Variants in ANKS1B observed in about 807,000 individuals in gnomAD.
ANKS1B encodes ankyrin repeat and sterile alpha motif domain containing 1B.
ANKS1B carries 36 observed loss-of-function variants against 148.3 expected under a neutral mutation model. The ratio of observed to expected loss-of-function variants is 0.24; its 90% confidence interval spans 0.19 to 0.32. The LOEUF is 0.32. Ranked by LOEUF, ANKS1B falls within the 10% of genes least tolerant of loss-of-function variation. ANKS1B has a pLI of 1.00. For missense variants in ANKS1B, 1,157 were observed against 1,542.6 expected, an observed-to-expected ratio of 0.75 and a Z score of 4.19; for synonymous variants, 542 against 560.8, an observed-to-expected ratio of 0.97 and a Z score of 0.47.
chr12:98,795,104 G>A (rs2098936018), intron 22 of ANKS1B: 2 of 555,020 alleles, frequency 3.6e-6, no homozygotes, highest in Admixed American at 3.1e-5. Flanking sequence ...TTCCTACCTT[G>A]CCATCTAATG....
At chr12:99,566,288 T>G (rs1347217115) in intron 9 of ANKS1B, among the ~76,000 whole-genome samples, 2 of 152,236 alleles carry the variant, frequency 1.3e-5, no homozygotes, top group Non-Finnish European at 2.9e-5. Flanking sequence ...GCTTGAAATC[T>G]CCTTAGCACT....
intron 12 of ANKS1B, among the ~76,000 whole-genome samples, chr12:99,362,308 T>C (rs933957203): frequency 4.6e-5 from 7 of 152,024 alleles, no homozygotes; most frequent in Non-Finnish European, 1.0e-4. Context: ...TCATTATACA[T>C]TATCTTTACA....
intron 19 of ANKS1B, among the ~76,000 whole-genome samples, chr12:98,817,622 T>A (rs1372235742): frequency 1.3e-5 from 2 of 152,194 alleles, no homozygotes; most frequent in Non-Finnish European, 2.9e-5. Flanking sequence ...TGCATGGGAT[T>A]TAGATTCTTC....
intron 25 of ANKS1B, among the ~76,000 whole-genome samples, chr12:98,767,810 AAC>A (rs1209961147): frequency 6.6e-6 from 1 of 152,244 alleles, no homozygotes; most frequent in African/African-American, 2.4e-5. Context: ...TACAGAAGAC[AAC>A]AGTTTTGAAA....
chr12:99,551,116 G>GA (rs1340249009), intron 9 of ANKS1B, among the ~76,000 whole-genome samples: 1 of 152,002 alleles, frequency 6.6e-6, no homozygotes, highest in African/African-American at 2.4e-5. Flanking sequence ...AACAAATATG[G>GA]AATCAAGAAA....
chr12:99,207,591 T>C (rs1055721865), intron 14 of ANKS1B, among the ~76,000 whole-genome samples: 1 of 152,090 alleles, frequency 6.6e-6, no homozygotes, highest in African/African-American at 2.4e-5. Flanking sequence ...TAAAATGTTT[T>C]TGACAGACAG....
At chr12:99,279,958 C>G (rs914365039) in intron 12 of ANKS1B, among the ~76,000 whole-genome samples, 1 of 151,894 alleles carries the variant, frequency 6.6e-6, no homozygotes, top group Non-Finnish European at 1.5e-5. Context: ...GAGTTGTGAT[C>G]GCACAACTGC....
intron 1 of ANKS1B, among the ~76,000 whole-genome samples, chr12:99,853,909 G>A (rs979853910): frequency 2.0e-5 from 3 of 152,182 alleles, no homozygotes; most frequent in Non-Finnish European, 2.9e-5. Context: ...TGAAGGACAC[G>A]CTTAGAGAAA....
In ANKS1B at chr12:99,441,865, G is replaced by A. The variant is rs186287607; in HGVS notation, c.1575+1808C>T. On this transcript the variant is annotated intron_variant, in intron 11 of 26. Coordinates refer to ENST00000683438, the MANE Select transcript of ANKS1B (RefSeq NM_001352186.2). The stretch of plus-strand genomic sequence containing the variant: ...AAACTCAATTAGAATATGCAGAGAA[G>A]GATTTATGAAATAATGCCTCAGTTA... Among the ~76,000 whole-genome samples the A allele has an allele frequency of 1.5e-3, 221 of 151,944 alleles. 3 individuals carry two copies. Among genetic ancestry groups the A allele is most frequent in the African/African-American group, 5.0e-3 (207 of 41,488 alleles).
chr12:98,802,520 C>T lies in ANKS1B; in HGVS notation c.3142-1395G>A, dbSNP rs1320016543. Among the ~76,000 whole-genome samples the T allele has an allele frequency of 2.1e-5, 3 of 142,570 alleles. No homozygotes were observed. The South Asian group carries it at 7.0e-4, about 33-fold the overall frequency. 93.5% of individuals were successfully genotyped at this position (142,570 alleles called of 152,430 possible). ...TCCAATTTTCTTTGCGCACTTTGGA[C>T]TTACATTAGGTGACATATGAAGTAG... On this transcript the variant is annotated intron_variant, in intron 20 of 26. Transcript: ENST00000683438.
chr12:99,877,174 A>G lies in ANKS1B; in HGVS notation c.135-51785T>C, dbSNP rs17394594. Among the ~76,000 whole-genome samples the G allele has an allele frequency of 6.1e-3, 927 of 152,098 alleles. 4 individuals carry two copies. The highest frequency in any genetic ancestry group is 0.016 in the South Asian group (78 of 4,824). On this transcript the variant is annotated intron_variant, in intron 1 of 26. Coordinates refer to ENST00000683438, the MANE Select transcript of ANKS1B (RefSeq NM_001352186.2). Reference sequence around the variant, plus strand: ...TTGTAGTTATAATGACTAAGTAAATATTGCTTGCTGATTAAGGTATTATAC... The same window carrying G: ...TTGTAGTTATAATGACTAAGTAAATGTTGCTTGCTGATTAAGGTATTATAC...
chr12:99,241,876 C>T (rs1404349767), intron 14 of ANKS1B, among the ~76,000 whole-genome samples: 1 of 152,128 alleles, frequency 6.6e-6, no homozygotes, highest in Non-Finnish European at 1.5e-5. Flanking sequence ...TCTCAATAAA[C>T]TAGGTATTGA....
chr12:99,475,008 G>A (rs1291671127), intron 10 of ANKS1B, among the ~76,000 whole-genome samples: 2 of 151,840 alleles, frequency 1.3e-5, no homozygotes, highest in African/African-American at 4.8e-5. Context: ...AGGCCGAGGT[G>A]GGCAGATAAT....
intron 14 of ANKS1B, among the ~76,000 whole-genome samples, chr12:99,205,762 A>C (rs2153903493): frequency 6.6e-6 from 1 of 152,308 alleles, no homozygotes; most frequent in Admixed American, 6.5e-5. Flanking sequence ...CTGATGAGTT[A>C]CTGGCAGGAG....
chr12:99,528,288 A>T (rs2096948622), intron 9 of ANKS1B, among the ~76,000 whole-genome samples: 1 of 152,060 alleles, frequency 6.6e-6, no homozygotes, highest in Admixed American at 6.6e-5. Context: ...AAAACCTAGG[A>T]AATACCACTC....
chr12:99,024,752 AG>A (rs2099947790), intron 17 of ANKS1B, among the ~76,000 whole-genome samples: 1 of 152,196 alleles, frequency 6.6e-6, no homozygotes, highest in South Asian at 2.1e-4. Context: ...GGACTCAGTT[AG>A]GAGCGTACTT....
intron 4 of ANKS1B, among the ~76,000 whole-genome samples, chr12:99,797,126 C>T (rs971116164): frequency 1.2e-4 from 18 of 151,940 alleles, no homozygotes; most frequent in African/African-American, 4.3e-4. Context: ...GTAAATATGT[C>T]AAACCCATGG....
At chr12:99,611,005 A>G (rs770723889) in intron 9 of ANKS1B, among the ~76,000 whole-genome samples, 1 of 152,102 alleles carries the variant, frequency 6.6e-6, no homozygotes, top group African/African-American at 2.4e-5. Context: ...CTATAATCAC[A>G]TAAGTTTAGG....
At chr12:99,018,867 C>A (rs1042290714) in intron 17 of ANKS1B, among the ~76,000 whole-genome samples, 2 of 152,104 alleles carry the variant, frequency 1.3e-5, no homozygotes, top group African/African-American at 4.8e-5. Flanking sequence ...CATTTGAACC[C>A]GGGAGGCAGA....
Sources: allele counts gnomAD v4.1 joint callset (sites outside exome capture counted in the v4.1 genomes callset), GRCh38; gene constraint gnomAD v4.1.1; transcripts MANE v1.5; gene names NCBI Gene and HGNC (gene_info 2026-07-23, HGNC 2026-07-21).